NEK8: variants seen among roughly 807,000 people sequenced by gnomAD.
The protein encoded by NEK8 is serine/threonine-protein kinase Nek8.
A neutral mutation model predicts 77.2 loss-of-function variants in NEK8; 51 were observed. The observed-to-expected ratio is 0.66, with a 90% CI of 0.53 to 0.83. The LOEUF is 0.83. Ranked by LOEUF, NEK8 falls within the 40% of genes least tolerant of loss-of-function variation. The pLI is 0.00. For synonymous variants in NEK8, 365 were observed against 363.2 expected, an observed-to-expected ratio of 1.00 and a Z score of -0.06; for missense variants, 787 against 909.2, an observed-to-expected ratio of 0.87 and a Z score of 1.73.
In NEK8 at chr17:28,741,028, G is replaced by A; in HGVS notation, c.1732+43G>A. On this transcript the variant is annotated intron_variant, in intron 12 of 14. Transcript: ENST00000268766. The surrounding 1 kb of genome is among the most constrained non-coding windows in gnomAD (Gnocchi z 4.5). ...TCTGGAGGTCAGAGGGGGACTCACGGTCTCCTTGGTACCCTGTTGAAGCAC... is the reference window on the plus strand; with the variant it reads ...TCTGGAGGTCAGAGGGGGACTCACGATCTCCTTGGTACCCTGTTGAAGCAC... The A allele has an allele frequency of 6.2e-7, 1 of 1,614,138 alleles. No homozygotes were observed. Among genetic ancestry groups the A allele is most frequent in the Non-Finnish European group, 8.5e-7 (1 of 1,180,004 alleles).
intron 4 of NEK8, 88 bp downstream of exon 4, chr17:28,735,459 C>A: frequency 7.0e-7 from 1 of 1,423,016 alleles, no homozygotes; most frequent in Non-Finnish European, 9.6e-7. Context: ...GGTTTCTCCT[C>A]TAGCTGAGTC....
At chr17:28,728,940 G>T in intron 1 of NEK8, 80 bp downstream of exon 1, 1 of 1,273,178 alleles carries the variant, frequency 7.9e-7, no homozygotes. Flanking sequence ...GTCGCCGCCC[G>T]CCTAATCCCG....
intron 4 of NEK8, 24 bp downstream of exon 4, chr17:28,735,395 G>T (rs1179559535): frequency 5.0e-6 from 8 of 1,610,364 alleles, no homozygotes; most frequent in Non-Finnish European, 6.8e-6. Flanking sequence ...CCCTCCAGGG[G>T]ACAACTGAGA....
In NEK8 at chr17:28,737,750, G is replaced by A. The variant is rs2034379833; in HGVS notation, c.889+14G>A. ...TCCGCTGCAGAGGTAAGTGGGAAGAGGCCGCCAGTCCCCATGGATGCCACA... is the reference window on the plus strand; with the variant it reads ...TCCGCTGCAGAGGTAAGTGGGAAGAAGCCGCCAGTCCCCATGGATGCCACA... On this transcript the variant is annotated intron_variant, in intron 6 of 14. Coordinates refer to ENST00000268766, the MANE Select transcript of NEK8 (RefSeq NM_178170.3). The surrounding 1 kb of genome is among the most constrained non-coding windows in gnomAD (Gnocchi z 4.8). The A allele has an allele frequency of 1.9e-6, 3 of 1,614,028 alleles. No homozygotes were observed. Among genetic ancestry groups the A allele is most frequent in the Admixed American group, 1.7e-5 (1 of 59,998 alleles).
intron 8 of NEK8, 62 bp from the exon 9 acceptor site, chr17:28,738,609 G>C: frequency 6.8e-7 from 1 of 1,471,142 alleles, no homozygotes; most frequent in Non-Finnish European, 9.5e-7. Context: ...TGGAGGACCG[G>C]GCTATCTGGA....
rs766447612 is a variant in NEK8, at chr17:28,740,432, A to T, written c.1418-31A>T. 6.2e-7 allele frequency: 1 copy of T among 1,612,936 alleles called. No individual in the cohort carries two copies. Among genetic ancestry groups the T allele is most frequent in the Non-Finnish European group, 8.5e-7 (1 of 1,178,948 alleles). On this transcript the variant is annotated intron_variant, in intron 10 of 14. Coordinates refer to ENST00000268766, the MANE Select transcript of NEK8 (RefSeq NM_178170.3). This position sits in a 1 kb window ranked among gnomAD's most constrained non-coding sequence, Gnocchi z 4.7. ...TCGGGCATCACCCCCACTAAAGCTCAAATTAACTCCTTCTGGGTTTCTTCT... is the reference window on the plus strand; with the variant it reads ...TCGGGCATCACCCCCACTAAAGCTCTAATTAACTCCTTCTGGGTTTCTTCT...
chr17:28,741,004 C>CT lies in NEK8; in HGVS notation c.1732+20dup. ...GTGACTGGTGAGGAGGACTTGGGCT[C>CT]TGGAGGTCAGAGGGGGACTCACGGT... On this transcript the variant is annotated intron_variant, in intron 12 of 14. Coordinates refer to ENST00000268766, the MANE Select transcript of NEK8 (RefSeq NM_178170.3). This position sits in a 1 kb window ranked among gnomAD's most constrained non-coding sequence, Gnocchi z 4.5. 2 of 1,614,202 alleles carry CT rather than the reference C, an allele frequency of 1.2e-6. No homozygotes were observed. Among genetic ancestry groups the CT allele is most frequent in the East Asian group, 4.5e-5 (2 of 44,884 alleles).
chr17:28,737,244 G>A lies in NEK8; in HGVS notation c.619-62G>A. The A allele has an allele frequency of 2.6e-6, 4 of 1,524,248 alleles. No homozygotes were observed. The highest frequency in any genetic ancestry group is 3.6e-6 in the Non-Finnish European group (4 of 1,124,276). The allele number at this position is 1,524,248 out of a possible 1,614,324, so 94.4% of individuals were successfully genotyped here. ...AAGCTGTTATTATCCCAGGAGACCA[G>A]GGGCTGGAGCTGGGGGGTGCTGCCC... is the stretch of plus-strand genomic sequence containing the variant. On this transcript the variant is annotated intron_variant, in intron 4 of 14. Transcript: ENST00000268766. This position sits in a 1 kb window ranked among gnomAD's most constrained non-coding sequence, Gnocchi z 4.8.
chr17:28,733,195 T>C (rs993176760), intron 1 of NEK8, among the ~76,000 whole-genome samples: 5 of 152,188 alleles, frequency 3.3e-5, no homozygotes, highest in Admixed American at 6.5e-5. Flanking sequence ...TTTCTGATTT[T>C]AGCAGTTTCT....
In NEK8 at chr17:28,734,057, C is replaced by T. The variant is rs763972758; in HGVS notation, c.122C>T (p.Thr41Ile). 3.1e-6 allele frequency: 5 copies of T among 1,614,198 alleles called. No homozygotes were observed. The South Asian group carries it at 4.4e-5, about 14-fold the overall frequency. ...AAGCAGATTCCAGTGGAACAGATGA[C>T]CAAGGAAGAGCGGCAGGCAGCCCAG... ...IIKQIPVEQM[T>I]KEERQAAQNE... is the part of the protein sequence containing the mutation. Residue 41 changes from threonine (T) to isoleucine (I), a missense_variant, in exon 2 of 15, where the codon ACC (threonine) becomes ATC (isoleucine). By Grantham distance (89) the Thr-to-Ile change is moderately conservative (BLOSUM62 -1). Around this residue, in one of 2 missense-constraint regions of NEK8, gnomAD observed 271 missense variants for 365.1 expected, o/e 0.74. Coordinates refer to ENST00000268766, the MANE Select transcript of NEK8 (RefSeq NM_178170.3).
In NEK8 at chr17:28,737,506, C is replaced by T; in HGVS notation, c.819C>T (p.Arg273=). 6.2e-7 allele frequency: 1 copy of T among 1,613,138 alleles called. No homozygotes were observed. Among genetic ancestry groups the T allele is most frequent in the Non-Finnish European group, 8.5e-7 (1 of 1,179,912 alleles). ...LNLHTDVGSV[R]MRRAEKSVAP... ...TCCACACCGACGTGGGCAGTGTCCG[C>T]ATGCGGAGGCCTGTGCAGGGACAGC... Residue 273 remains arginine, a synonymous_variant, in exon 5 of 15, where the codon CGC becomes CGT. Transcript: ENST00000268766. This position sits in a 1 kb window ranked among gnomAD's most constrained non-coding sequence, Gnocchi z 4.8.
In NEK8 at chr17:28,734,895, A is replaced by G; in HGVS notation, c.377A>G (p.His126Arg). The G allele has an allele frequency of 6.2e-7, 1 of 1,613,852 alleles. No individual in the cohort carries two copies. The highest frequency in any genetic ancestry group is 2.2e-5 in the East Asian group (1 of 44,874). ...LHHVHTHLIL[H>R]RDLKTQNILL... is the part of the protein sequence containing the mutation. ...CATGTGCACACCCACCTCATCCTGC[A>G]CCGAGACCTCAAGACCCAGAACATC... Residue 126 changes from histidine (H) to arginine (R), a missense_variant, in exon 3 of 15, where the codon CAC becomes CGC. Physicochemically the swap from His to Arg is conservative, Grantham distance 29 (BLOSUM62 0). This residue lies in a region of NEK8 where 271 missense variants were observed against 365.1 expected (regional missense o/e 0.74). Coordinates refer to ENST00000268766, the MANE Select transcript of NEK8 (RefSeq NM_178170.3).
rs2034418078 is a variant in NEK8 at position 28,741,196 on chromosome 17, G to A, written c.1851G>A (p.Met617Ile). The change falls in exon 13 of 15, where the codon ATG becomes ATA. Residue 617 changes from methionine (M) to isoleucine (I), a missense_variant. Met to Ile is a conservative substitution (Grantham distance 10, BLOSUM62 1). This residue lies in a region of NEK8 where 516 missense variants were observed against 544.0 expected (regional missense o/e 0.95). Transcript: ENST00000268766. The surrounding 1 kb of genome is among the most constrained non-coding windows in gnomAD (Gnocchi z 4.5). ...VQGLEGIKMA[M>I]VACGDAFTVA... is the part of the protein sequence containing the mutation. ...GCCTTGAGGGCATCAAGATGGCAAT[G>A]GTAGCCTGTGGGGATGCCTTCACTG... 1 of 1,612,678 alleles carries A rather than the reference G, an allele frequency of 6.2e-7. No individual in the cohort carries two copies.
chr17:28,728,969 A>G (rs1340403107), intron 1 of NEK8, 109 bp downstream of exon 1: 3 of 1,051,476 alleles, frequency 2.9e-6, no homozygotes, highest in Non-Finnish European at 4.3e-6. Flanking sequence ...CGTGAGCGCC[A>G]CTCTGGGAAG....
chr17:28,736,057 G>C (rs1205004930), intron 4 of NEK8, among the ~76,000 whole-genome samples: 1 of 151,694 alleles, frequency 6.6e-6, no homozygotes, highest in Non-Finnish European at 1.5e-5. Flanking sequence ...ATAGTTTGCT[G>C]AGAATGATGG....
At chr17:28,729,412 G>A (rs1298484341) in intron 1 of NEK8, among the ~76,000 whole-genome samples, 2 of 152,124 alleles carry the variant, frequency 1.3e-5, no homozygotes, top group African/African-American at 4.8e-5. Flanking sequence ...CTGGAGTTCA[G>A]TGGCACGATC....
Position 28,741,015 on chromosome 17 carries a change from A to G in NEK8, c.1732+30A>G. 1.2e-6 allele frequency: 2 copies of G among 1,614,162 alleles called. 1 individual carries two copies. The highest frequency in any genetic ancestry group is 2.2e-5 in the South Asian group (2 of 91,086). ...GGAGGACTTGGGCTCTGGAGGTCAG[A>G]GGGGGACTCACGGTCTCCTTGGTAC... On this transcript the variant is annotated intron_variant, in intron 12 of 14. Transcript: ENST00000268766. This position sits in a 1 kb window ranked among gnomAD's most constrained non-coding sequence, Gnocchi z 4.5.
In NEK8 at chr17:28,741,546, T is replaced by C. The variant is rs1244612315; in HGVS notation, c.2025T>C (p.His675=). Residue 675 remains histidine, a synonymous_variant, in exon 14 of 15, where the codon CAT becomes CAC. Transcript: ENST00000268766. The surrounding 1 kb of genome is among the most constrained non-coding windows in gnomAD (Gnocchi z 4.5). ...PYTVTSVSCC[H]GNTLLAVRSV... Reference sequence around the variant, plus strand: ...CGGTGACTTCCGTGTCCTGTTGCCATGGAAACACCCTCCTGGCTGTTCGAT... The same window carrying C: ...CGGTGACTTCCGTGTCCTGTTGCCACGGAAACACCCTCCTGGCTGTTCGAT... The C allele has an allele frequency of 6.2e-7, 1 of 1,614,120 alleles. No homozygotes were observed. The highest frequency in any genetic ancestry group is 2.2e-5 in the East Asian group (1 of 44,866).
In NEK8 at chr17:28,735,044, C is replaced by T. The variant is rs747866331; in HGVS notation, c.486+40C>T. The stretch of plus-strand genomic sequence containing the variant: ...AAGGGACCTCCAGGGCACTAGAAGT[C>T]TTGAGGGCCAGGACCTAACCCTGCC... On this transcript the variant is annotated intron_variant, in intron 3 of 14. Transcript: ENST00000268766. The T allele has an allele frequency of 9.7e-6, 15 of 1,553,004 alleles. No homozygotes were observed. The South Asian group carries it at 1.7e-4, about 17-fold the overall frequency.
Sources: allele counts gnomAD v4.1 joint callset (sites outside exome capture counted in the v4.1 genomes callset), GRCh38; gene constraint gnomAD v4.1.1; regional missense constraint gnomAD v4.1.1; non-coding constraint Gnocchi (gnomAD v3.1); transcripts MANE v1.5; gene names NCBI Gene and HGNC (gene_info 2026-07-23, HGNC 2026-07-21).